TTC7A: variants seen among roughly 807,000 people sequenced by gnomAD.
The protein encoded by TTC7A is tetratricopeptide repeat protein 7A.
Under a neutral mutation model 103.7 loss-of-function variants are expected in TTC7A, and 110 were observed. The ratio of observed to expected loss-of-function variants is 1.06; its 90% confidence interval spans 0.91 to 1.24. TTC7A has a LOEUF of 1.24. TTC7A is among the 50% of genes most tolerant of loss of function. TTC7A has a pLI of 0.00. For synonymous variants in TTC7A, 521 were observed against 467.9 expected, an observed-to-expected ratio of 1.11 and a Z score of -1.47; for missense variants, 1,340 against 1,116.3, an observed-to-expected ratio of 1.20 and a Z score of -2.86.
chr2:47,063,650 G>A (rs937295761), intron 19 of TTC7A, among the ~76,000 whole-genome samples: 2 of 152,212 alleles, frequency 1.3e-5, no homozygotes, highest in Non-Finnish European at 2.9e-5. Context: ...GTCAGGGCAG[G>A]CCCCCAGGGA....
rs1677282191 is a variant in TTC7A, at chr2:47,005,507, A to G, written c.1066-415A>G. Among the ~76,000 whole-genome samples, 3 of 152,216 alleles carry G rather than the reference A, an allele frequency of 2.0e-5. No individual in the cohort carries two copies. In the South Asian group the frequency reaches 6.2e-4, roughly 32 times the overall value. ...AAGGTGGAGGGCCGCTTCCAGATAC[A>G]GGGAGATTAAAGAGACATGGCACCT... On this transcript the variant is annotated intron_variant, in intron 8 of 19. Transcript: ENST00000319190.
intron 19 of TTC7A, among the ~76,000 whole-genome samples, chr2:47,072,749 C>A (rs1436562331): frequency 3.3e-5 from 5 of 152,188 alleles, no homozygotes; most frequent in Admixed American, 3.3e-4. Flanking sequence ...ACCCTCAGGG[C>A]TGAAACAGGG....
intron 14 of TTC7A, among the ~76,000 whole-genome samples, chr2:47,026,705 A>T (rs1338102852): frequency 6.6e-6 from 1 of 152,242 alleles, no homozygotes; most frequent in African/African-American, 2.4e-5. Context: ...GGGCTTGAAG[A>T]GGGAAACGCA....
At chr2:47,041,798 A>G (rs1352633815) in intron 15 of TTC7A, among the ~76,000 whole-genome samples, 2 of 152,084 alleles carry the variant, frequency 1.3e-5, no homozygotes, top group South Asian at 4.2e-4. Flanking sequence ...TTAAACTCTT[A>G]AGCCTAGGTG....
At position 47,023,421 on chromosome 2, in the gene TTC7A, C is replaced by T; in HGVS notation, c.1524C>T (p.Ser508=). 1 of 1,614,054 alleles carries T rather than the reference C, an allele frequency of 6.2e-7. No homozygotes were observed. Among genetic ancestry groups the T allele is most frequent in the Non-Finnish European group, 8.5e-7 (1 of 1,179,990 alleles). ...SLQATDATLK[S]KQDELHRKAL... is the part of the protein sequence containing the mutation. ...TGTCCCCTGCAGCCACCCTGAAGTCCAAGCAAGATGAATTGCACCGGAAGG... is the reference window on the plus strand; with the variant it reads ...TGTCCCCTGCAGCCACCCTGAAGTCTAAGCAAGATGAATTGCACCGGAAGG... Residue 508 remains serine, a synonymous_variant, in exon 13 of 20, where the codon TCC becomes TCT. Coordinates refer to ENST00000319190, the MANE Select transcript of TTC7A (RefSeq NM_020458.4).
rs982338184 is a variant in TTC7A at position 46,941,409 on chromosome 2, C to A, written c.-133C>A. 4 of 844,112 alleles carry A rather than the reference C, an allele frequency of 4.7e-6. No homozygotes were observed. Among genetic ancestry groups the A allele is most frequent in the Non-Finnish European group, 6.1e-6 (4 of 659,136 alleles). 52.3% of individuals were successfully genotyped at this position (844,112 alleles called of 1,614,324 possible). On this transcript the variant is annotated 5_prime_UTR_variant, in exon 1 of 20. Transcript: ENST00000319190. The surrounding 1 kb of genome is among the most constrained non-coding windows in gnomAD (Gnocchi z 4.2). ...GCCCACCCTCCGCCGCCCGGGCCCC[C>A]GCTGCCGCCCGGGCCCCGGCTGCCG...
At chr2:47,049,522 A>G (rs574010811) in intron 16 of TTC7A, among the ~76,000 whole-genome samples, 18 of 152,128 alleles carry the variant, frequency 1.2e-4, no homozygotes, top group Admixed American at 3.3e-4. Context: ...GCAGGGGGTG[A>G]CATCCGGGCC....
At chr2:47,072,888 G>A (rs190543753) in intron 19 of TTC7A, among the ~76,000 whole-genome samples, 1 of 152,214 alleles carries the variant, frequency 6.6e-6, no homozygotes, top group Non-Finnish European at 1.5e-5. Context: ...ATGTAGAGGG[G>A]ACAAGGTGCC....
intron 9 of TTC7A, among the ~76,000 whole-genome samples, chr2:47,006,303 G>C (rs150114703): frequency 1.3e-5 from 2 of 152,222 alleles, no homozygotes; most frequent in Non-Finnish European, 2.9e-5. Context: ...GCCATGCACA[G>C]TAATAATAAA....
intron 5 of TTC7A, among the ~76,000 whole-genome samples, chr2:46,992,118 C>T (rs527917969): frequency 2.4e-4 from 36 of 152,356 alleles, no homozygotes; most frequent in Non-Finnish European, 5.3e-4. Context: ...TCTGAATTCG[C>T]CAGCCCAGCA....
At chr2:47,062,140 A>G (rs11125114) in intron 19 of TTC7A, among the ~76,000 whole-genome samples, 109,073 of 152,166 alleles carry the variant, frequency 0.72, 40,970 homozygotes, top group East Asian at 0.94. Flanking sequence ...GGAAAACGTT[A>G]TAACTCCTAG....
chr2:47,069,473 G>A (rs1355469938), intron 19 of TTC7A, among the ~76,000 whole-genome samples: 1 of 152,168 alleles, frequency 6.6e-6, no homozygotes, highest in East Asian at 1.9e-4. Context: ...CTCAGCAGGA[G>A]CCTCTTCTTT....
Position 46,952,961 on chromosome 2 carries a change from G to T in TTC7A, c.348+2435G>T, listed in dbSNP as rs540344239. ...TTTATTTAGAGCTTTCTCCATGCCA[G>T]TATTGTCTCATTCTTTGTATTGGCT... is the stretch of plus-strand genomic sequence containing the variant. On this transcript the variant is annotated intron_variant, in intron 2 of 19. Transcript: ENST00000319190. Among the ~76,000 whole-genome samples the T allele has an allele frequency of 5.9e-5, 9 of 152,282 alleles. No homozygotes were observed. In the South Asian group the frequency reaches 1.9e-3, roughly 32 times the overall value.
chr2:46,986,313 A>G (rs1675001931), intron 5 of TTC7A, among the ~76,000 whole-genome samples: 1 of 152,112 alleles, frequency 6.6e-6, no homozygotes, highest in African/African-American at 2.4e-5. Context: ...CCGTGAGGGG[A>G]GTCAGGTTTA....
At chr2:46,973,002 C>T (rs899931460) in intron 3 of TTC7A, among the ~76,000 whole-genome samples, 1 of 152,202 alleles carries the variant, frequency 6.6e-6, no homozygotes, top group Admixed American at 6.5e-5. Flanking sequence ...TTCACTGTGG[C>T]CCAGATGGTA....
chr2:47,050,194 G>A (rs985029866), intron 17 of TTC7A, 148 bp downstream of exon 17: 12 of 668,270 alleles, frequency 1.8e-5, no homozygotes, highest in Admixed American at 6.8e-5. Context: ...AACTTCTGGG[G>A]CTGATCTTGG....
chr2:47,036,397 T>G (rs894310248), intron 15 of TTC7A, among the ~76,000 whole-genome samples: 1 of 152,204 alleles, frequency 6.6e-6, no homozygotes, highest in African/African-American at 2.4e-5. Flanking sequence ...CTTATAAGAT[T>G]AGAGGACATG....
chr2:46,930,497 ATTT>A (rs575100979), intron 2 of TTC7A, among the ~76,000 whole-genome samples: 2 of 132,054 alleles, frequency 1.5e-5, no homozygotes, highest in Non-Finnish European at 3.2e-5. Flanking sequence ...AAGTCCTATA[ATTT>A]TTTTTTTTTT....
At chr2:46,923,995 C>T (rs1669252533) in intron 2 of TTC7A, among the ~76,000 whole-genome samples, 1 of 151,932 alleles carries the variant, frequency 6.6e-6, no homozygotes, top group Non-Finnish European at 1.5e-5. Flanking sequence ...CTCGGCCTCC[C>T]AAAGTGCTGG....
Sources: gnomAD v4.1 joint callset for allele counts (sites outside exome capture counted in the v4.1 genomes callset) on GRCh38, gnomAD v4.1.1 for gene constraint, Gnocchi (gnomAD v3.1) non-coding constraint, MANE v1.5 for transcripts, NCBI Gene and HGNC (gene_info 2026-07-23, HGNC 2026-07-21) for gene names.